The following KCNH7 variants were observed in gnomAD, a reference collection of about 807,000 sequenced individuals.
KCNH7 encodes voltage-gated inwardly rectifying potassium channel KCNH7.
KCNH7 carries 49 observed loss-of-function variants against 120.8 expected under a neutral mutation model. The ratio of observed to expected loss-of-function variants is 0.41; its 90% CI spans 0.32 to 0.51. The LOEUF (loss-of-function observed/expected upper bound fraction) is 0.51. KCNH7 is among the 20% of genes least tolerant of loss of function. The pLI, the probability that KCNH7 is intolerant of heterozygous loss-of-function variation, is 0.38. For synonymous variants in KCNH7, 547 were observed against 516.1 expected (o/e 1.06, Z -0.81); for missense variants, 1,097 against 1,446.6 (o/e 0.76, Z 3.92).
At chr2:162,697,540 G>T (rs962228564) in intron 2 of KCNH7, among the ~76,000 whole-genome samples, 1 of 151,998 alleles carries the variant, frequency 6.6e-6, no homozygotes, top group African/African-American at 2.4e-5. Flanking sequence ...TAAAGTCAGG[G>T]TAATTGTTAT....
At chr2:162,782,293 A>T (rs1255071509) in intron 2 of KCNH7, among the ~76,000 whole-genome samples, 4 of 152,344 alleles carry the variant, frequency 2.6e-5, no homozygotes, top group Non-Finnish European at 4.4e-5. Flanking sequence ...GACAATGGAA[A>T]AAAATAAAAC....
intron 6 of KCNH7, among the ~76,000 whole-genome samples, chr2:162,486,463 T>C (rs1416930694): frequency 6.6e-6 from 1 of 152,200 alleles, no homozygotes; most frequent in Non-Finnish European, 1.5e-5. Context: ...ACAGGTATAT[T>C]TAAAGTAGAA....
At chr2:162,393,838 T>C (rs2105431758) in intron 12 of KCNH7, among the ~76,000 whole-genome samples, 1 of 152,112 alleles carries the variant, frequency 6.6e-6, no homozygotes, top group South Asian at 2.1e-4. Context: ...TGAGGGATAT[T>C]GAAGCACAGC....
At chr2:162,544,244 C>G (rs1246530147) in intron 2 of KCNH7, among the ~76,000 whole-genome samples, 1 of 152,148 alleles carries the variant, frequency 6.6e-6, no homozygotes, top group African/African-American at 2.4e-5. Context: ...CTTCTTTCAG[C>G]AAGCTCCATA....
At chr2:162,515,379 T>C (rs564347984) in intron 4 of KCNH7, among the ~76,000 whole-genome samples, 9 of 151,844 alleles carry the variant, frequency 5.9e-5, no homozygotes, top group African/African-American at 2.2e-4. Context: ...AACAATGAAG[T>C]TAAATCAAGA....
At position 162,477,469 on chromosome 2, in the gene KCNH7, G is replaced by T. The variant is rs113041497; in HGVS notation, c.1128+26974C>A. Among the ~76,000 whole-genome samples, 399 of 152,272 alleles carry T rather than the reference G, an allele frequency of 2.6e-3. 1 individual carries two copies. Among genetic ancestry groups the T allele is most frequent in the African/African-American group, 8.9e-3 (371 of 41,556 alleles). ...AAAAAAAGTCAACAGGGTCTTTCCT[G>T]CAGGCTTCAGAGATAGAATAGAGAA... is the stretch of plus-strand genomic sequence containing the variant. On this transcript the variant is annotated intron_variant, in intron 6 of 15. Coordinates refer to ENST00000332142, the MANE Select transcript of KCNH7 (RefSeq NM_033272.4).
rs1357491301 is a variant in KCNH7 at position 162,469,922 on chromosome 2, T to C, written c.1129-23479A>G. 2.6e-5 allele frequency among the ~76,000 whole-genome samples: 4 copies of C among 152,228 alleles called. No individual in the cohort carries two copies. The South Asian group carries it at 8.3e-4, about 31-fold the overall frequency. On this transcript the variant is annotated intron_variant, in intron 6 of 15. Transcript: ENST00000332142. ...CGGGGTTTCGCTGTCTTGGCCGGGCTGGTCTCCAGCTCCTGACCGCGAGTG... is the reference window on the plus strand; with the variant it reads ...CGGGGTTTCGCTGTCTTGGCCGGGCCGGTCTCCAGCTCCTGACCGCGAGTG...
chr2:162,385,363 G>T (rs1199071611), intron 12 of KCNH7, among the ~76,000 whole-genome samples: 1 of 151,850 alleles, frequency 6.6e-6, no homozygotes, highest in African/African-American at 2.4e-5. Context: ...TGTTTTAGCT[G>T]CTCATGCATT....
In KCNH7 at chr2:162,547,729, G is replaced by T. The variant is rs1198169100; in HGVS notation, c.308-10649C>A. ...ATGCAAAGGTCTTTGTATAACAGAG[G>T]GAGGCCTTCATTTACACCTATTAAT... On this transcript the variant is annotated intron_variant, in intron 2 of 15. Transcript: ENST00000332142. Among the ~76,000 whole-genome samples, 3 of 150,908 alleles carry T rather than the reference G, an allele frequency of 2.0e-5. 1 individual carries two copies. Among genetic ancestry groups the T allele is most frequent in the South Asian group, 4.1e-4 (2 of 4,820 alleles).
rs1422523436 is a variant in KCNH7, at chr2:162,678,510, C to T, written c.308-141430G>A. On this transcript the variant is annotated intron_variant, in intron 2 of 15. Transcript: ENST00000332142. ...ACTCCACACATATTGGACAGAAGGG[C>T]CTTGTATAAAGTCTACCAATAATCT... is the stretch of plus-strand genomic sequence containing the variant. Among the ~76,000 whole-genome samples the T allele has an allele frequency of 2.6e-5, 4 of 151,346 alleles. No individual in the cohort carries two copies. The South Asian group carries it at 8.3e-4, about 31-fold the overall frequency.
At chr2:162,772,355 GTA>G (rs1683087628) in intron 2 of KCNH7, among the ~76,000 whole-genome samples, 1 of 151,884 alleles carries the variant, frequency 6.6e-6, no homozygotes. Context: ...CCTCTAAAAT[GTA>G]TCCCTATTTA....
At chr2:162,472,817 T>C (rs933113567) in intron 6 of KCNH7, among the ~76,000 whole-genome samples, 5 of 152,136 alleles carry the variant, frequency 3.3e-5, no homozygotes, top group African/African-American at 9.7e-5. Flanking sequence ...CTATTCACAA[T>C]AGCAAAAACT....
chr2:162,602,243 A>G (rs951063571), intron 2 of KCNH7, among the ~76,000 whole-genome samples: 2 of 152,088 alleles, frequency 1.3e-5, no homozygotes, highest in African/African-American at 4.8e-5. Context: ...CCAAACCACA[A>G]CAGATGAGAG....
intron 2 of KCNH7, among the ~76,000 whole-genome samples, chr2:162,570,460 C>T (rs1298143510): frequency 1.3e-5 from 2 of 152,012 alleles, no homozygotes; most frequent in Non-Finnish European, 2.9e-5. Flanking sequence ...ATACAGCACA[C>T]TGATGGGTCT....
At chr2:162,646,727 C>G (rs1684371246) in intron 2 of KCNH7, among the ~76,000 whole-genome samples, 1 of 152,064 alleles carries the variant, frequency 6.6e-6, no homozygotes, top group Non-Finnish European at 1.5e-5. Context: ...CAGACAGCAG[C>G]CCTCAGATGA....
At chr2:162,396,632 G>A (rs1686918981) in intron 11 of KCNH7, 108 bp downstream of exon 11, 3 of 742,664 alleles carry the variant, frequency 4.0e-6, no homozygotes, top group Middle Eastern at 3.2e-4. Flanking sequence ...TTCAGAATTG[G>A]TAAAGTCTTG....
chr2:162,660,193 G>T (rs1317459462), intron 2 of KCNH7, among the ~76,000 whole-genome samples: 1 of 151,708 alleles, frequency 6.6e-6, no homozygotes, highest in Admixed American at 6.6e-5. Context: ...CTTCTTTTCT[G>T]GTTTCCTAAA....
intron 6 of KCNH7, among the ~76,000 whole-genome samples, chr2:162,495,746 G>A (rs146009211): frequency 0.017 from 2,604 of 152,226 alleles, 220 homozygotes; most frequent in Admixed American, 0.15. Context: ...ACAAACCAGT[G>A]ATACCCAGCT....
chr2:162,816,929 C>T (rs1322651256), intron 2 of KCNH7, among the ~76,000 whole-genome samples: 3 of 151,866 alleles, frequency 2.0e-5, no homozygotes, highest in African/African-American at 7.3e-5. Context: ...AAATACAAGC[C>T]AATTTTCCTA....
Sources: allele counts gnomAD v4.1 joint callset (sites outside exome capture counted in the v4.1 genomes callset), GRCh38; gene constraint gnomAD v4.1.1; transcripts MANE v1.5; gene names NCBI Gene and HGNC (gene_info 2026-07-23, HGNC 2026-07-21).